The following ARHGAP32 variants were observed in gnomAD, a reference collection of about 807,000 sequenced individuals.
ARHGAP32 encodes rho GTPase-activating protein 32.
In ARHGAP32, 51 loss-of-function variants were observed where a neutral mutation model predicts 186.5. The ratio of observed to expected loss-of-function variants is 0.27; its 90% CI spans 0.22 to 0.35. ARHGAP32 has a LOEUF of 0.35. Among genes scored for constraint, ARHGAP32 ranks in the 10% least tolerant of loss-of-function variants. The probability of loss-of-function intolerance (pLI) is 1.00; values close to 1 mark genes in which losing one functional copy is unlikely to be tolerated. For missense variants in ARHGAP32, 2,186 were observed against 2,623.5 expected, an observed-to-expected ratio of 0.83 and a Z score of 3.64; for synonymous variants, 950 against 964.3, an observed-to-expected ratio of 0.99 and a Z score of 0.27.
intron 5 of ARHGAP32, among the ~76,000 whole-genome samples, chr11:129,101,118 A>G (rs1160616407): frequency 1.3e-5 from 2 of 152,162 alleles, no homozygotes; most frequent in East Asian, 1.9e-4. Flanking sequence ...GGTCCCCCCA[A>G]AAATTTCCAG....
At chr11:129,087,291 C>G (rs1450589531) in intron 6 of ARHGAP32, among the ~76,000 whole-genome samples, 1 of 152,124 alleles carries the variant, frequency 6.6e-6, no homozygotes, top group African/African-American at 2.4e-5. Context: ...AACCTGCGTG[C>G]AAATGTTTAT....
rs920972646 is a variant in ARHGAP32, at chr11:129,210,666, C to T, written c.-4-46239G>A. On this transcript the variant is annotated intron_variant, in intron 1 of 6. Transcript: ENST00000525234. Reference sequence around the variant, plus strand: ...AGACATTAAGCGATCTGCACAAGGACGTACTGGTGGAGCTTTGAGTCTGAC... The same window carrying T: ...AGACATTAAGCGATCTGCACAAGGATGTACTGGTGGAGCTTTGAGTCTGAC... Among the ~76,000 whole-genome samples, 6 of 152,134 alleles carry T rather than the reference C, an allele frequency of 3.9e-5. No individual in the cohort carries two copies. In the East Asian group the frequency reaches 5.8e-4, roughly 15 times the overall value.
intron 11 of ARHGAP32, among the ~76,000 whole-genome samples, chr11:129,016,453 T>G (rs1938343009): frequency 6.6e-6 from 1 of 152,204 alleles, no homozygotes; most frequent in African/African-American, 2.4e-5. Context: ...TAGGGAGAGA[T>G]ATATACTTTT....
chr11:129,055,529 A>T (rs1396465241), intron 10 of ARHGAP32, among the ~76,000 whole-genome samples: 1 of 152,262 alleles, frequency 6.6e-6, no homozygotes, highest in African/African-American at 2.4e-5. Context: ...ACATGAAAGC[A>T]ACCACAAGGT....
chr11:129,052,328 GT>G (rs1940086335), intron 10 of ARHGAP32, among the ~76,000 whole-genome samples: 2 of 152,148 alleles, frequency 1.3e-5, no homozygotes, highest in South Asian at 4.1e-4. Context: ...TAAATCTTCA[GT>G]TAGTGTTAGT....
At chr11:129,239,752 C>T (rs974255274) in intron 1 of ARHGAP32, among the ~76,000 whole-genome samples, 3 of 152,134 alleles carry the variant, frequency 2.0e-5, no homozygotes, top group African/African-American at 7.2e-5. Context: ...TCTACTCTCA[C>T]GCTAATCCAA....
At chr11:129,124,949 T>A (rs1376437671) in intron 2 of ARHGAP32, 55 bp from the exon 3 acceptor site, 10 of 1,361,090 alleles carry the variant, frequency 7.3e-6, no homozygotes, top group African/African-American at 2.9e-5. Flanking sequence ...TACACTTTTT[T>A]AAAAAGCAGG....
chr11:129,155,322 G>T (rs1943376266), intron 2 of ARHGAP32, among the ~76,000 whole-genome samples: 1 of 152,172 alleles, frequency 6.6e-6, no homozygotes, highest in Non-Finnish European at 1.5e-5. Context: ...AATAAGAAAA[G>T]AAGAAAGAGG....
chr11:129,078,493 T>C (rs540100764), intron 6 of ARHGAP32, among the ~76,000 whole-genome samples: 2 of 152,122 alleles, frequency 1.3e-5, no homozygotes, highest in Non-Finnish European at 2.9e-5. Context: ...AGAAGGCTAA[T>C]TATTTATTAA....
chr11:129,184,509 A>C (rs181305162), intron 1 of ARHGAP32, among the ~76,000 whole-genome samples: 2 of 152,260 alleles, frequency 1.3e-5, no homozygotes, highest in East Asian at 3.9e-4. Flanking sequence ...ACAATTAAAA[A>C]AGAAGATGAA....
In ARHGAP32 at chr11:129,199,267, T is replaced by C. The variant is rs544579652; in HGVS notation, c.-4-34840A>G. Among the ~76,000 whole-genome samples the C allele has an allele frequency of 8.5e-5, 13 of 152,308 alleles. No homozygotes were observed. The South Asian group carries it at 1.0e-3, about 12-fold the overall frequency. On this transcript the variant is annotated intron_variant, in intron 1 of 6. Transcript: ENST00000525234. The stretch of plus-strand genomic sequence containing the variant: ...AGAAAGTCAAATCAGCTGCAGAAAT[T>C]TGTAAAGTAACAAGGAGCCTAATGT...
At chr11:129,041,492 T>TAAAAAA (rs5795655) in intron 10 of ARHGAP32, among the ~76,000 whole-genome samples, 1 of 130,388 alleles carries the variant, frequency 7.7e-6, no homozygotes. Flanking sequence ...CCAGGTTTCA[T>TAAAAAA]AAAAAAAAAA....
upstream of ARHGAP32, among the ~76,000 whole-genome samples, chr11:129,195,125 C>T (rs1944376092): frequency 6.6e-6 from 1 of 151,914 alleles, no homozygotes; most frequent in Non-Finnish European, 1.5e-5. Flanking sequence ...TGTGCCACGA[C>T]ACCTGCTAAT....
chr11:129,241,656 A>C (rs1301713116), intron 1 of ARHGAP32, among the ~76,000 whole-genome samples: 1 of 152,122 alleles, frequency 6.6e-6, no homozygotes, highest in Non-Finnish European at 1.5e-5. Context: ...AAAAACAAGA[A>C]ACCAAAAACA....
At chr11:129,254,844 G>T (rs1945232364) in intron 1 of ARHGAP32, among the ~76,000 whole-genome samples, 1 of 152,056 alleles carries the variant, frequency 6.6e-6, no homozygotes, top group South Asian at 2.1e-4. Context: ...TGCTAAAAAT[G>T]AGCAATGATT....
At chr11:129,260,513 CATTT>C (rs1199178694) in intron 1 of ARHGAP32, among the ~76,000 whole-genome samples, 1 of 152,014 alleles carries the variant, frequency 6.6e-6, no homozygotes, top group African/African-American at 2.4e-5. Context: ...TCAGTTGTGA[CATTT>C]ATTTTCAAAT....
chr11:129,219,339 T>C (rs1031723484), intron 1 of ARHGAP32, among the ~76,000 whole-genome samples: 1 of 152,246 alleles, frequency 6.6e-6, no homozygotes. Context: ...TAATTATCAA[T>C]GATAAAAATG....
rs186916220 is a variant in ARHGAP32 at position 129,205,316 on chromosome 11, C to T, written c.-4-40889G>A. 2.0e-3 allele frequency among the ~76,000 whole-genome samples: 307 copies of T among 152,180 alleles called. 2 individuals are homozygous for T. The highest frequency in any genetic ancestry group is 3.2e-3 in the Non-Finnish European group (219 of 67,968). ...TTTTTAAGTGTCAACTGAGAATTTT[C>T]AAGTTACATCACTGTTCTGACTTTG... is the stretch of plus-strand genomic sequence containing the variant. On this transcript the variant is annotated intron_variant, in intron 1 of 6. Coordinates refer to the ARHGAP32 transcript ENST00000525234.
At chr11:129,206,284 T>C (rs887452167) in intron 1 of ARHGAP32, among the ~76,000 whole-genome samples, 3 of 152,134 alleles carry the variant, frequency 2.0e-5, no homozygotes, top group Non-Finnish European at 4.4e-5. Flanking sequence ...CGGTCATAAC[T>C]CACTGCAGCA....
Sources: gnomAD v4.1 joint callset for allele counts (sites outside exome capture counted in the v4.1 genomes callset) on GRCh38, gnomAD v4.1.1 for gene constraint, MANE v1.5 for transcripts, NCBI Gene and HGNC (gene_info 2026-07-23, HGNC 2026-07-21) for gene names.